Variants in PCSK6 observed in about 807,000 individuals in gnomAD.
PCSK6 encodes the protein paired basic amino acid cleaving enzyme 4.
In PCSK6, 85 loss-of-function variants were observed where a neutral mutation model predicts 123.3. The observed-to-expected ratio is 0.69, with a 90% CI of 0.58 to 0.83. PCSK6 has a LOEUF of 0.83. Among genes scored for constraint, PCSK6 ranks in the 40% least tolerant of loss-of-function variants. The pLI is 0.00. For synonymous variants in PCSK6, 508 were observed against 516.0 expected (o/e 0.98, Z 0.21); for missense variants, 1,191 against 1,282.3 (o/e 0.93, Z 1.09).
chr15:101,401,241 G>A (rs11247291), intron 6 of PCSK6, among the ~76,000 whole-genome samples: 105,665 of 152,246 alleles, frequency 0.69, 37,059 homozygotes, highest in African/African-American at 0.8. Context: ...CCACGTGGGC[G>A]TGGGCAGCGA....
chr15:101,441,834 G>A (rs1285592584), intron 2 of PCSK6, among the ~76,000 whole-genome samples: 2 of 152,200 alleles, frequency 1.3e-5, no homozygotes, highest in African/African-American at 4.8e-5. Context: ...GAATGAGGAT[G>A]TTTCTTCACA....
chr15:101,422,832 A>G (rs369879200), intron 6 of PCSK6, among the ~76,000 whole-genome samples: 3,025 of 151,988 alleles, frequency 0.02, 107 homozygotes, highest in African/African-American at 0.069. Flanking sequence ...TGTGTTAGCC[A>G]GGATGGTCTC....
At chr15:101,367,583 T>C (rs2041439060) in intron 12 of PCSK6, among the ~76,000 whole-genome samples, 1 of 152,162 alleles carries the variant, frequency 6.6e-6, no homozygotes, top group African/African-American at 2.4e-5. Flanking sequence ...CCCAACACAC[T>C]GGGGACAGAA....
intron 11 of PCSK6, among the ~76,000 whole-genome samples, chr15:101,380,919 C>T (rs2041894840): frequency 6.6e-6 from 1 of 152,208 alleles, no homozygotes; most frequent in African/African-American, 2.4e-5. Context: ...GAAAAACACA[C>T]TCCGTTCTGT....
chr15:101,340,246 T>G (rs1398892627), intron 13 of PCSK6, among the ~76,000 whole-genome samples: 1 of 151,972 alleles, frequency 6.6e-6, no homozygotes, highest in Non-Finnish European at 1.5e-5. Context: ...CATACACACA[T>G]GAACTCTCAG....
chr15:101,430,113 T>C (rs1237039918), intron 4 of PCSK6, 50 bp from the exon 5 acceptor site: 1 of 1,455,370 alleles, frequency 6.9e-7, no homozygotes, highest in Non-Finnish European at 9.6e-7. Flanking sequence ...GTGACAGCTC[T>C]GTTTGAAATG....
At chr15:101,463,423 T>G (rs2057382887) in intron 1 of PCSK6, among the ~76,000 whole-genome samples, 1 of 152,126 alleles carries the variant, frequency 6.6e-6, no homozygotes, top group African/African-American at 2.4e-5. Flanking sequence ...GGGCCAAGCG[T>G]TGCAACAATT....
rs1191096401 is a variant in PCSK6, at chr15:101,307,262, G to A, written c.2763C>T (p.Gly921=). Residue 921 remains glycine, a synonymous_variant, in exon 21 of 22, where the codon GGC becomes GGT. Transcript: ENST00000611716. The part of the protein sequence containing the change: ...SSRNCSRCKT[G]FTQLGTSCIT... The stretch of plus-strand genomic sequence containing the variant: ...TGCAGGAGGTCCCCAGCTGTGTGAA[G>A]CCCGTCTTACACCTGCTACAGTTCC... 4 of 1,613,734 alleles carry A rather than the reference G, an allele frequency of 2.5e-6. No homozygotes were observed. The highest frequency in any genetic ancestry group is 3.4e-6 in the Non-Finnish European group (4 of 1,179,842).
At position 101,313,405 on chromosome 15, in the gene PCSK6, C is replaced by T. The variant is rs1201202844; in HGVS notation, c.2670G>A (p.Met890Ile). 1 of 1,612,666 alleles carries T rather than the reference C, an allele frequency of 6.2e-7. No homozygotes were observed. Among genetic ancestry groups the T allele is most frequent in the African/African-American group, 1.3e-5 (1 of 74,952 alleles). Residue 890 changes from methionine to isoleucine, a missense_variant, in exon 20 of 22, where the codon ATG becomes ATA. Met to Ile is a conservative substitution (Grantham distance 10). Around this residue, in one of 3 missense-constraint regions of PCSK6, gnomAD observed 630 missense variants for 631.4 expected, o/e 1.00. Transcript: ENST00000611716. ...GACACACTTTGTGGGGCAAGCCCGG[C>T]ATCTCTTCTGGGTAGAAGCCCTCAC... ...ACGEGFYPEE[M>I]PGLPHKVCRR...
chr15:101,323,485 C>A (rs888313003), intron 17 of PCSK6, among the ~76,000 whole-genome samples: 1 of 152,232 alleles, frequency 6.6e-6, no homozygotes, highest in African/African-American at 2.4e-5. Context: ...AATCCCAGCA[C>A]TTTGGGAGGC....
At chr15:101,426,384 G>C (rs958329303) in intron 6 of PCSK6, among the ~76,000 whole-genome samples, 1 of 152,186 alleles carries the variant, frequency 6.6e-6, no homozygotes, top group African/African-American at 2.4e-5. Flanking sequence ...CTGGCACCCA[G>C]GTTGGCCCGA....
chr15:101,341,248 G>GTTTTTT (rs149761692), intron 13 of PCSK6, among the ~76,000 whole-genome samples: 2 of 129,640 alleles, frequency 1.5e-5, no homozygotes, highest in African/African-American at 3.0e-5. Flanking sequence ...AAAGTGTGGG[G>GTTTTTT]TTTTTTTTTT....
chr15:101,332,127 G>T, intron 13 of PCSK6, 96 bp from the exon 14 acceptor site: 1 of 1,175,636 alleles, frequency 8.5e-7, no homozygotes, highest in Non-Finnish European at 1.2e-6. Context: ...TCCCCTGATA[G>T]CTGGGCTCTG....
At chr15:101,407,730 C>A (rs895699841) in intron 6 of PCSK6, among the ~76,000 whole-genome samples, 1 of 152,238 alleles carries the variant, frequency 6.6e-6, no homozygotes, top group African/African-American at 2.4e-5. Flanking sequence ...CTCTCTCCTG[C>A]CTCCTGACAG....
chr15:101,347,361 G>C, intron 13 of PCSK6: 1 of 1,237,450 alleles, frequency 8.1e-7, no homozygotes, highest in Non-Finnish European at 1.0e-6. Context: ...TGGGAAAAAA[G>C]ACATTGTTGA....
chr15:101,449,250 T>A (rs538455259), intron 1 of PCSK6, among the ~76,000 whole-genome samples: 18 of 152,356 alleles, frequency 1.2e-4, no homozygotes, highest in Non-Finnish European at 2.2e-4. Flanking sequence ...ATGTAAATGC[T>A]GTGGAAATAG....
chr15:101,392,525 C>A (rs1388997856), intron 8 of PCSK6, among the ~76,000 whole-genome samples: 1 of 150,516 alleles, frequency 6.6e-6, no homozygotes, highest in Non-Finnish European at 1.5e-5. Context: ...TTTAAAATGT[C>A]TACAAGTCAA....
chr15:101,442,514 G>A (rs1361801765), intron 2 of PCSK6, among the ~76,000 whole-genome samples: 5 of 152,096 alleles, frequency 3.3e-5, no homozygotes, highest in South Asian at 2.1e-4. Flanking sequence ...GAGATAACGC[G>A]TCTCTCCAAC....
Position 101,313,432 on chromosome 15 carries a change from A to G in PCSK6, c.2643T>C (p.Cys881=), listed in dbSNP as rs2039914616. The G allele has an allele frequency of 6.2e-7, 1 of 1,612,362 alleles. No homozygotes were observed. The highest frequency in any genetic ancestry group is 1.7e-5 in the Admixed American group (1 of 60,008). The change falls in exon 20 of 22, where the codon TGT becomes TGC. Residue 881 remains cysteine (C), a synonymous_variant. Transcript: ENST00000611716. ...HFHDWKCVPA[C]GEGFYPEEMP... ...TCTCTTCTGGGTAGAAGCCCTCACC[A>G]CAGGCTGGCACACACTTCCAGTCGT...
Sources: allele counts gnomAD v4.1 joint callset (sites outside exome capture counted in the v4.1 genomes callset), GRCh38; gene constraint gnomAD v4.1.1; regional missense constraint gnomAD v4.1.1; transcripts MANE v1.5; gene names NCBI Gene and HGNC (gene_info 2026-07-23, HGNC 2026-07-21).